The following FBXW7 variants were observed in gnomAD, a reference collection of about 807,000 sequenced individuals.
FBXW7 encodes the protein F-box and WD repeat domain containing 7, also known as F-box/WD repeat-containing protein 7.
FBXW7 carries 11 observed loss-of-function variants against 86.3 expected under a neutral mutation model. The ratio of observed to expected loss-of-function variants is 0.13; its 90% CI spans 0.08 to 0.21. FBXW7 has a LOEUF of 0.21. Ranked by LOEUF, FBXW7 falls within the 10% of genes least tolerant of loss-of-function variation. FBXW7 has a pLI of 1.00. For synonymous variants in FBXW7, 313 were observed against 297.9 expected (o/e 1.05, Z -0.52); for missense variants, 488 against 847.4 (o/e 0.58, Z 5.27).
intron 13 of FBXW7, 76 bp downstream of exon 13, chr4:152,324,108 G>T (rs972991185): frequency 2.4e-5 from 28 of 1,153,798 alleles, no homozygotes; most frequent in Non-Finnish European, 3.4e-5. Context: ...CTCTTTTTGT[G>T]ATGCTAAGGC....
At chr4:152,529,295 G>C (rs1239740341) in intron 2 of FBXW7, among the ~76,000 whole-genome samples, 1 of 152,082 alleles carries the variant, frequency 6.6e-6, no homozygotes, top group African/African-American at 2.4e-5. Flanking sequence ...AATAGGGAAA[G>C]CAACTTTATA....
At chr4:152,434,962 C>A (rs996130987) in intron 2 of FBXW7, among the ~76,000 whole-genome samples, 2 of 150,954 alleles carry the variant, frequency 1.3e-5, no homozygotes, top group Non-Finnish European at 1.5e-5. Context: ...CCCCGCTCCC[C>A]CCCCCCCACA....
intron 2 of FBXW7, among the ~76,000 whole-genome samples, chr4:152,481,596 A>C (rs982841229): frequency 2.6e-5 from 4 of 152,240 alleles, no homozygotes; most frequent in African/African-American, 9.6e-5. Flanking sequence ...GGAAGGATTC[A>C]TCAATCTGGA....
chr4:152,338,070 G>T, intron 6 of FBXW7, 134 bp from the exon 7 acceptor site: 1 of 669,738 alleles, frequency 1.5e-6, no homozygotes, highest in Non-Finnish European at 2.2e-6. Flanking sequence ...TCCTTATAGT[G>T]ACATTTTTTC....
chr4:152,361,682 A>T (rs1213671342), intron 4 of FBXW7, among the ~76,000 whole-genome samples: 2 of 152,198 alleles, frequency 1.3e-5, no homozygotes, highest in African/African-American at 4.8e-5. Context: ...CAAATGTTTG[A>T]AAACTAACTT....
intron 2 of FBXW7, among the ~76,000 whole-genome samples, chr4:152,453,608 G>A (rs1413556745): frequency 6.6e-6 from 1 of 152,106 alleles, no homozygotes; most frequent in Non-Finnish European, 1.5e-5. Flanking sequence ...GGTGGCAGCA[G>A]GTAAGGAGAA....
chr4:152,470,140 G>A (rs536544667), intron 2 of FBXW7, among the ~76,000 whole-genome samples: 8 of 151,778 alleles, frequency 5.3e-5, no homozygotes, highest in African/African-American at 1.9e-4. Flanking sequence ...CTAAAACTTT[G>A]GTATATTATA....
intron 2 of FBXW7, among the ~76,000 whole-genome samples, chr4:152,497,245 C>T (rs1346480282): frequency 6.7e-6 from 1 of 149,582 alleles, no homozygotes; most frequent in Non-Finnish European, 1.5e-5. Context: ...ATCACTTGAA[C>T]CCGGGAGGCA....
At chr4:152,474,618 C>T (rs529026847) in intron 2 of FBXW7, among the ~76,000 whole-genome samples, 1 of 152,308 alleles carries the variant, frequency 6.6e-6, no homozygotes, top group East Asian at 1.9e-4. Context: ...CTACCTTATA[C>T]AGAATTGAAT....
rs112116648 is a variant in FBXW7, at chr4:152,426,353, CTTT to C, written c.-119-13827_-119-13825del. On this transcript the variant is annotated intron_variant, in intron 2 of 13. Transcript: ENST00000281708. ...TATTTCCAGAGATAATGGCTACAAA[CTTT>C]TTTTTTTTTTTTTTAAACAGTCTCG... 4.2e-5 allele frequency among the ~76,000 whole-genome samples: 6 copies of C among 143,126 alleles called. No homozygotes were observed. In the East Asian group the frequency reaches 8.1e-4, roughly 19 times the overall value. 93.9% of individuals were successfully genotyped at this position (143,126 alleles called of 152,430 possible). A position where few individuals can be genotyped will look rare whatever the true frequency, so the allele number is the denominator to read the frequency against.
chr4:152,534,497 T>C (rs964479753), intron 2 of FBXW7, among the ~76,000 whole-genome samples: 25 of 152,130 alleles, frequency 1.6e-4, no homozygotes, highest in African/African-American at 5.8e-4. Flanking sequence ...TGTTGTTTTT[T>C]AAAAAAGGAA....
intron 2 of FBXW7, among the ~76,000 whole-genome samples, chr4:152,422,735 A>G (rs977721521): frequency 6.6e-6 from 1 of 152,170 alleles, no homozygotes; most frequent in African/African-American, 2.4e-5. Flanking sequence ...AGCTCCTCCA[A>G]GTGCTGATTC....
intron 2 of FBXW7, among the ~76,000 whole-genome samples, chr4:152,513,497 T>C (rs1046968664): frequency 6.6e-6 from 1 of 152,154 alleles, no homozygotes; most frequent in Non-Finnish European, 1.5e-5. Flanking sequence ...GTAAAAGAAT[T>C]GTCAATAATA....
chr4:152,432,190 A>T (rs1739957259), intron 2 of FBXW7, among the ~76,000 whole-genome samples: 1 of 152,188 alleles, frequency 6.6e-6, no homozygotes, highest in Non-Finnish European at 1.5e-5. Context: ...TTGGAATACC[A>T]AGAGTTGTGA....
chr4:152,512,433 C>T (rs1425543778), intron 2 of FBXW7, among the ~76,000 whole-genome samples: 1 of 152,040 alleles, frequency 6.6e-6, no homozygotes, highest in South Asian at 2.1e-4. Context: ...GAATGGAGGA[C>T]GATATTAAGA....
At chr4:152,466,229 T>TA (rs1206826154) in intron 2 of FBXW7, among the ~76,000 whole-genome samples, 1 of 152,028 alleles carries the variant, frequency 6.6e-6, no homozygotes, top group Non-Finnish European at 1.5e-5. Flanking sequence ...CACATAACGA[T>TA]AAAAAATAAG....
chr4:152,349,604 T>C (rs924070553), intron 5 of FBXW7, among the ~76,000 whole-genome samples: 4 of 152,036 alleles, frequency 2.6e-5, no homozygotes, highest in African/African-American at 9.6e-5. Context: ...AAAAGAAAAT[T>C]TCTAACACAT....
chr4:152,343,878 T>C (rs1339363412), intron 6 of FBXW7, among the ~76,000 whole-genome samples: 1 of 152,156 alleles, frequency 6.6e-6, no homozygotes, highest in Non-Finnish European at 1.5e-5. Context: ...AGTGGCATTC[T>C]GTTTCAGTCC....
At chr4:152,442,228 T>A (rs937620921) in intron 2 of FBXW7, among the ~76,000 whole-genome samples, 11 of 152,224 alleles carry the variant, frequency 7.2e-5, no homozygotes, top group African/African-American at 2.7e-4. Flanking sequence ...TGCTTTCTCG[T>A]AGCATCAACT....
Sources: gnomAD v4.1 joint callset for allele counts (sites outside exome capture counted in the v4.1 genomes callset) on GRCh38, gnomAD v4.1.1 for gene constraint, MANE v1.5 for transcripts, NCBI Gene and HGNC (gene_info 2026-07-23, HGNC 2026-07-21) for gene names.